The following PLPPR1 variants were observed in gnomAD, a reference collection of about 807,000 sequenced individuals.
PLPPR1 encodes the protein phospholipid phosphatase-related protein type 1.
In PLPPR1, 10 loss-of-function variants were observed where a neutral mutation model predicts 33.1. The ratio of observed to expected loss-of-function variants is 0.30; its 90% CI spans 0.19 to 0.51. PLPPR1 has a LOEUF of 0.51. Ranked by LOEUF, PLPPR1 falls within the 20% of genes least tolerant of loss-of-function variation. The probability of loss-of-function intolerance (pLI) is 0.97; values close to 1 mark genes in which losing one functional copy is unlikely to be tolerated. For synonymous variants in PLPPR1, 151 were observed against 151.0 expected (o/e 1.00, Z 0.00); for missense variants, 304 against 408.1 (o/e 0.74, Z 2.20).
chr9:101,091,968 C>T (rs1353107604), intron 1 of PLPPR1, among the ~76,000 whole-genome samples: 2 of 152,188 alleles, frequency 1.3e-5, no homozygotes, highest in Non-Finnish European at 2.9e-5. Flanking sequence ...CTTCCCTCTG[C>T]ACTTCTTAAC....
intron 1 of PLPPR1, among the ~76,000 whole-genome samples, chr9:101,160,275 C>T (rs1235319542): frequency 3.9e-5 from 6 of 152,160 alleles, no homozygotes. Flanking sequence ...GAACAGGTCA[C>T]TTAGCCTTTC....
Position 101,127,050 on chromosome 9 carries a change from TACTA to T in PLPPR1, c.-45-58396_-45-58393del, listed in dbSNP as rs1831254286. On this transcript the variant is annotated intron_variant, in intron 1 of 7. Transcript: ENST00000374874. Reference sequence around the variant, plus strand: ...CTAAAGAGTGATAAGAAATTCTAAGTACTAACTTTCACTCCCCCTCTTTGTAATA... The same window carrying T: ...CTAAAGAGTGATAAGAAATTCTAAGTACTTTCACTCCCCCTCTTTGTAATA... 9.1e-5 allele frequency among the ~76,000 whole-genome samples: 4 copies of T among 43,906 alleles called. No homozygotes were observed. In the East Asian group the frequency reaches 1.4e-3, roughly 15 times the overall value. 28.8% of individuals were successfully genotyped at this position (43,906 alleles called of 152,430 possible). A position where few individuals can be genotyped will look rare whatever the true frequency, so the allele number is the denominator to read the frequency against.
chr9:101,251,191 G>A (rs1415510482), intron 2 of PLPPR1, among the ~76,000 whole-genome samples: 1 of 151,982 alleles, frequency 6.6e-6, no homozygotes, highest in Non-Finnish European at 1.5e-5. Context: ...TCTCCCATGT[G>A]GACCAAGACT....
At chr9:101,263,362 A>G (rs1827934580) in intron 2 of PLPPR1, among the ~76,000 whole-genome samples, 1 of 152,176 alleles carries the variant, frequency 6.6e-6, no homozygotes. Context: ...TGACTGTTAG[A>G]CAATTTAGAA....
intron 1 of PLPPR1, among the ~76,000 whole-genome samples, chr9:101,078,003 C>T (rs1247824038): frequency 3.4e-5 from 5 of 147,314 alleles, no homozygotes; most frequent in South Asian, 2.2e-4. Flanking sequence ...AGCTAATGGC[C>T]GATAGGTGAA....
intron 1 of PLPPR1, among the ~76,000 whole-genome samples, chr9:101,169,511 A>ATTTT (rs1010120524): frequency 6.6e-6 from 1 of 152,054 alleles, no homozygotes; most frequent in Non-Finnish European, 1.5e-5. Flanking sequence ...CCATTAGTTT[A>ATTTT]TTTTGACATT....
chr9:101,151,104 G>T (rs1178977549), intron 1 of PLPPR1, among the ~76,000 whole-genome samples: 1 of 151,884 alleles, frequency 6.6e-6, no homozygotes, highest in Non-Finnish European at 1.5e-5. Flanking sequence ...TTTAAGCAAA[G>T]GTCCAGATGG....
rs187899848 is a variant in PLPPR1, at chr9:101,087,189, A to T, written c.-46+58087A>T. Among the ~76,000 whole-genome samples the T allele has an allele frequency of 6.8e-3, 1,036 of 151,286 alleles. 13 individuals are homozygous for T. The highest frequency in any genetic ancestry group is 0.024 in the African/African-American group (999 of 40,934). ...TGAGTGAGACTCTGTCTCAAAAAAA[A>T]AAAAATAAAATAAAAATAAAAAAAA... On this transcript the variant is annotated intron_variant, in intron 1 of 7. Coordinates refer to ENST00000374874, the MANE Select transcript of PLPPR1 (RefSeq NM_207299.2).
chr9:101,305,907 A>AG (rs1828852056), intron 4 of PLPPR1, among the ~76,000 whole-genome samples: 1 of 152,162 alleles, frequency 6.6e-6, no homozygotes, highest in South Asian at 2.1e-4. Context: ...ATCCTATCTG[A>AG]GATCAGATGG....
Position 101,057,400 on chromosome 9 carries a change from G to T in PLPPR1, c.-46+28298G>T, listed in dbSNP as rs79146880. Among the ~76,000 whole-genome samples the T allele has an allele frequency of 6.5e-3, 987 of 152,138 alleles. 12 individuals are homozygous for T. Among genetic ancestry groups the T allele is most frequent in the African/African-American group, 0.023 (951 of 41,514 alleles). On this transcript the variant is annotated intron_variant, in intron 1 of 7. Coordinates refer to ENST00000374874, the MANE Select transcript of PLPPR1 (RefSeq NM_207299.2). The stretch of plus-strand genomic sequence containing the variant: ...ACCTATTTTTATGATCAGAAAAGTG[G>T]ATTATTTCTCTAAAATGAATAAGCC...
chr9:101,173,914 A>T (rs956412966), intron 1 of PLPPR1, among the ~76,000 whole-genome samples: 2 of 152,106 alleles, frequency 1.3e-5, no homozygotes, highest in African/African-American at 4.8e-5. Flanking sequence ...CACAACAAAG[A>T]TCTTGCCTGC....
chr9:101,203,557 A>G (rs1003680678), intron 2 of PLPPR1, among the ~76,000 whole-genome samples: 5 of 152,096 alleles, frequency 3.3e-5, no homozygotes, highest in African/African-American at 1.2e-4. Flanking sequence ...TTCAAGCATA[A>G]TGATCCTATG....
intron 1 of PLPPR1, among the ~76,000 whole-genome samples, chr9:101,096,665 AATG>A (rs35925205): frequency 0.37 from 56,949 of 151,994 alleles, 10,948 homozygotes; most frequent in Non-Finnish European, 0.43. Flanking sequence ...TGTGCTGTCT[AATG>A]AGGATTTGCA....
chr9:101,321,081 A>G (rs1829141954), intron 7 of PLPPR1, among the ~76,000 whole-genome samples: 1 of 152,180 alleles, frequency 6.6e-6, no homozygotes, highest in African/African-American at 2.4e-5. Flanking sequence ...TCCAACAGCC[A>G]TGGTTTCTGT....
intron 1 of PLPPR1, among the ~76,000 whole-genome samples, chr9:101,140,192 T>G (rs189903881): frequency 6.6e-6 from 1 of 151,744 alleles, no homozygotes; most frequent in Admixed American, 6.6e-5. Context: ...GTTTTAAACA[T>G]TCTCATAAAA....
chr9:101,292,460 G>A (rs1222375261), intron 4 of PLPPR1, among the ~76,000 whole-genome samples: 5 of 152,042 alleles, frequency 3.3e-5, no homozygotes, highest in African/African-American at 9.7e-5. Flanking sequence ...CATACTCCTC[G>A]AGAAGAGCAA....
Position 101,185,492 on chromosome 9 carries a change from GA to G in PLPPR1, c.1del. On this transcript the variant is annotated 5_prime_UTR_variant, in exon 2 of 8. Transcript: ENST00000374874. ...GGTGCAGTCTTGCTATATGGTGTGA[GA>G]AATGGCTGTAGGAAACAACACTCAA... is the stretch of plus-strand genomic sequence containing the variant. 6.2e-7 allele frequency: 1 copy of G among 1,602,914 alleles called. No homozygotes were observed. The highest frequency in any genetic ancestry group is 8.5e-7 in the Non-Finnish European group (1 of 1,171,292).
chr9:101,244,348 T>G (rs985886777), intron 2 of PLPPR1, among the ~76,000 whole-genome samples: 30 of 151,974 alleles, frequency 2.0e-4, no homozygotes, highest in Non-Finnish European at 4.0e-4. Flanking sequence ...TCAGAAGCAG[T>G]GAAGATGAAG....
At chr9:101,291,099 G>C (rs999418069) in intron 4 of PLPPR1, among the ~76,000 whole-genome samples, 1 of 152,148 alleles carries the variant, frequency 6.6e-6, no homozygotes, top group Admixed American at 6.5e-5. Flanking sequence ...GCGCTTTTCC[G>C]ACAACAGGCT....
Sources: gnomAD v4.1 joint callset for allele counts (sites outside exome capture counted in the v4.1 genomes callset) on GRCh38, gnomAD v4.1.1 for gene constraint, MANE v1.5 for transcripts, NCBI Gene and HGNC (gene_info 2026-07-23, HGNC 2026-07-21) for gene names.